The following MYO6 variants were observed in gnomAD, a reference collection of about 807,000 sequenced individuals.
The protein encoded by MYO6 is myosin VI.
MYO6 carries 74 observed loss-of-function variants against 178.7 expected under a neutral mutation model. That is an observed-to-expected ratio of 0.41 (90% CI 0.34 to 0.50). MYO6 has a LOEUF of 0.50. Among genes scored for constraint, MYO6 ranks in the 20% least tolerant of loss-of-function variants. MYO6 has a pLI of 0.09. For missense variants in MYO6, 1,330 were observed against 1,547.4 expected, an observed-to-expected ratio of 0.86 and a Z score of 2.36; for synonymous variants, 477 against 504.6, an observed-to-expected ratio of 0.95 and a Z score of 0.73.
intron 1 of MYO6, among the ~76,000 whole-genome samples, chr6:75,810,922 G>A (rs1448356273): frequency 6.6e-6 from 1 of 152,168 alleles, no homozygotes; most frequent in Non-Finnish European, 1.5e-5. Flanking sequence ...TGGGAGGATT[G>A]CCTGAGCCCA....
chr6:75,844,983 G>A lies in MYO6; in HGVS notation c.897+6G>A. The A allele has an allele frequency of 6.3e-7, 1 of 1,599,466 alleles. No homozygotes were observed. Among genetic ancestry groups the A allele is most frequent in the South Asian group, 1.1e-5 (1 of 90,360 alleles). The stretch of plus-strand genomic sequence containing the variant: ...AGAACCGCAAAAGTCCTGAGGTATA[G>A]TAGACCATTGTTCATAAAATCTTTA... On this transcript the variant is annotated splice_donor_region_variant and intron_variant, in intron 10 of 34. Transcript: ENST00000369977.
intron 7 of MYO6, among the ~76,000 whole-genome samples, chr6:75,838,062 T>G (rs1235154074): frequency 6.6e-6 from 1 of 151,776 alleles, no homozygotes; most frequent in Admixed American, 6.6e-5. Flanking sequence ...TTCTTTTTTT[T>G]TTTTTTTTGA....
Position 75,886,067 on chromosome 6 carries a change from G to A in MYO6, c.2480G>A (p.Trp827Ter). ...AAAATGCAAAAAACTATTCGAATGTGGCTTTGCAAGAGGAGACACAAACCT... is the reference window on the plus strand; with the variant it reads ...AAAATGCAAAAAACTATTCGAATGTAGCTTTGCAAGAGGAGACACAAACCT... ...CIKMQKTIRM[W>*]LCKRRHKPRI... is the part of the protein sequence containing the mutation. Residue 827 changes from tryptophan (W) to a stop codon, truncating the protein, a stop_gained, in exon 24 of 35, where the codon TGG becomes TAG. Transcript: ENST00000369977. LOFTEE classifies it high-confidence loss of function. The A allele has an allele frequency of 6.2e-7, 1 of 1,612,552 alleles. No individual in the cohort carries two copies.
At chr6:75,893,136 T>A (rs1779033778) in intron 28 of MYO6, among the ~76,000 whole-genome samples, 1 of 152,154 alleles carries the variant, frequency 6.6e-6, no homozygotes, top group South Asian at 2.1e-4. Flanking sequence ...TCAGTTGAAA[T>A]GAGAACTCTA....
At chr6:75,894,518 G>T (rs1263767913) in intron 28 of MYO6, among the ~76,000 whole-genome samples, 1 of 152,110 alleles carries the variant, frequency 6.6e-6, no homozygotes, top group Non-Finnish European at 1.5e-5. Flanking sequence ...TCTGGTCGTC[G>T]TGGTTATTTT....
intron 1 of MYO6, among the ~76,000 whole-genome samples, chr6:75,785,791 C>T (rs562474070): frequency 6.6e-6 from 1 of 151,966 alleles, no homozygotes; most frequent in African/African-American, 2.4e-5. Flanking sequence ...TTATTTTTTA[C>T]CCCCAAGTGG....
At chr6:75,813,531 T>C (rs1472628902) in intron 1 of MYO6, among the ~76,000 whole-genome samples, 6 of 152,176 alleles carry the variant, frequency 3.9e-5, no homozygotes. Flanking sequence ...TAACCCACTC[T>C]GGCTGAGCTG....
At chr6:75,822,923 G>T (rs1175020107) in intron 3 of MYO6, 72 bp downstream of exon 3, 2 of 1,169,934 alleles carry the variant, frequency 1.7e-6, no homozygotes, top group Non-Finnish European at 2.6e-6. Context: ...TAAATTAGTG[G>T]TTATATAACT....
chr6:75,899,741 AATT>A (rs1326241599), intron 30 of MYO6, among the ~76,000 whole-genome samples: 2 of 151,828 alleles, frequency 1.3e-5, no homozygotes, highest in Non-Finnish European at 2.9e-5. Flanking sequence ...TTTTTAAAAA[AATT>A]ATTATTATAC....
At chr6:75,892,354 A>G (rs1778967557) in intron 27 of MYO6, among the ~76,000 whole-genome samples, 176 bp from the exon 28 acceptor site, 1 of 152,178 alleles carries the variant, frequency 6.6e-6, no homozygotes, top group South Asian at 2.1e-4. Context: ...ATGTGTTTGA[A>G]GCATTAATCA....
chr6:75,895,664 C>T (rs749852486), intron 29 of MYO6, among the ~76,000 whole-genome samples: 4 of 151,870 alleles, frequency 2.6e-5, no homozygotes, highest in East Asian at 1.9e-4. Context: ...ACTACAGGCA[C>T]GCACCACCAC....
Position 75,805,021 on chromosome 6 carries a change from A to ATATTTTTT in MYO6, c.-47-12479_-47-12478insATTTTTTT, listed in dbSNP as rs1252912172. ...CACACACATATATATATATATATATATTTTTTTTTTTTTTTTTTTTGAGAC... is the reference window on the plus strand; with the variant it reads ...CACACACATATATATATATATATATATATTTTTTTTTTTTTTTTTTTTTTTTTTGAGAC... On this transcript the variant is annotated intron_variant, in intron 1 of 34. Transcript: ENST00000369977. Among the ~76,000 whole-genome samples, 183 of 77,298 alleles carry ATATTTTTT rather than the reference A, an allele frequency of 2.4e-3. 8 individuals are homozygous for ATATTTTTT. Among genetic ancestry groups the ATATTTTTT allele is most frequent in the African/African-American group, 0.016 (159 of 9,860 alleles). The allele number at this position is 77,298 out of a possible 152,430, so 50.7% of individuals were successfully genotyped here.
chr6:75,873,357 A>G, intron 20 of MYO6, 57 bp downstream of exon 20: 1 of 1,249,466 alleles, frequency 8.0e-7, no homozygotes, highest in Non-Finnish European at 1.2e-6. Context: ...ATACAATTTA[A>G]TAGGTTCAGT....
intron 1 of MYO6, among the ~76,000 whole-genome samples, chr6:75,790,983 G>A (rs1007605417): frequency 6.6e-5 from 10 of 152,128 alleles, no homozygotes; most frequent in Non-Finnish European, 1.2e-4. Context: ...GCCCAGACTG[G>A]AGTGCAGTGG....
chr6:75,782,795 C>A (rs1767117924), intron 1 of MYO6, among the ~76,000 whole-genome samples: 1 of 151,970 alleles, frequency 6.6e-6, no homozygotes, highest in South Asian at 2.1e-4. Flanking sequence ...TCTGTCTGGC[C>A]AAGGATTCTG....
chr6:75,762,222 AC>A (rs1193521841), intron 1 of MYO6, among the ~76,000 whole-genome samples: 3 of 152,194 alleles, frequency 2.0e-5, no homozygotes, highest in Non-Finnish European at 2.9e-5. Context: ...GGCATGAGCC[AC>A]TGTGCCCCCG....
intron 1 of MYO6, among the ~76,000 whole-genome samples, chr6:75,784,406 T>G (rs1314010277): frequency 6.6e-6 from 1 of 151,148 alleles, no homozygotes; most frequent in Non-Finnish European, 1.5e-5. Context: ...AAAGCCAGAA[T>G]TAGGAGTGTA....
chr6:75,908,420 CAG>C, intron 31 of MYO6, 74 bp from the exon 32 acceptor site: 5 of 1,427,626 alleles, frequency 3.5e-6, no homozygotes, highest in South Asian at 1.2e-5. Flanking sequence ...CCTTATGCGA[CAG>C]AATAATTATA....
In MYO6 at chr6:75,917,780, T is replaced by C. The variant is rs1467297993; in HGVS notation, c.*2768T>C. ...AATAGCAATCCACAGGCAAGAATAATGGTATTGTTTGTAGAGCTTTATTAA... is the reference window on the plus strand; with the variant it reads ...AATAGCAATCCACAGGCAAGAATAACGGTATTGTTTGTAGAGCTTTATTAA... On this transcript the variant is annotated 3_prime_UTR_variant, in exon 35 of 35. Transcript: ENST00000369977. 6.6e-6 allele frequency: 1 copy of C among 152,610 alleles called. No individual in the cohort carries two copies. The highest frequency in any genetic ancestry group is 2.4e-5 in the African/African-American group (1 of 41,452). The allele number at this position is 152,610 out of a possible 1,614,324, so 9.5% of individuals were successfully genotyped here. A position where few individuals can be genotyped will look rare whatever the true frequency, so the allele number is the denominator to read the frequency against.
Sources: gnomAD v4.1 joint callset for allele counts (sites outside exome capture counted in the v4.1 genomes callset) on GRCh38, gnomAD v4.1.1 for gene constraint, MANE v1.5 for transcripts, NCBI Gene and HGNC (gene_info 2026-07-23, HGNC 2026-07-21) for gene names.